The following KCTD8 variants were observed in gnomAD, a reference collection of about 807,000 sequenced individuals.
KCTD8 encodes potassium channel tetramerization domain containing 8.
Under a neutral mutation model 31.5 loss-of-function variants are expected in KCTD8, and 27 were observed. That is an observed-to-expected ratio of 0.86 (90% confidence interval 0.63 to 1.18). The LOEUF is 1.18. Ranked by LOEUF, KCTD8 falls within the 50% of genes most tolerant of loss-of-function variation. The probability of loss-of-function intolerance (pLI) is 0.00; values close to 1 mark genes in which losing one functional copy is unlikely to be tolerated. For missense variants in KCTD8, 658 were observed against 647.7 expected (o/e 1.02, Z -0.17); for synonymous variants, 290 against 280.0 (o/e 1.04, Z -0.36).
chr4:44,347,247 T>G (rs926200277), intron 1 of KCTD8, among the ~76,000 whole-genome samples: 31 of 152,232 alleles, frequency 2.0e-4, no homozygotes, highest in African/African-American at 7.5e-4. Context: ...ACCTAATAAA[T>G]GAAAGGTCAT....
chr4:44,368,561 G>A (rs924789318), intron 1 of KCTD8, among the ~76,000 whole-genome samples: 2 of 152,140 alleles, frequency 1.3e-5, no homozygotes, highest in African/African-American at 4.8e-5. Context: ...GATAAAATTA[G>A]CTATGCTTTA....
At chr4:44,271,041 T>A (rs1376588827) in intron 1 of KCTD8, among the ~76,000 whole-genome samples, 2 of 152,098 alleles carry the variant, frequency 1.3e-5, no homozygotes, top group African/African-American at 4.8e-5. Context: ...AGGTATACAC[T>A]GTATACCCTC....
At chr4:44,337,484 G>A (rs1718779531) in intron 1 of KCTD8, among the ~76,000 whole-genome samples, 1 of 151,812 alleles carries the variant, frequency 6.6e-6, no homozygotes, top group Non-Finnish European at 1.5e-5. Flanking sequence ...GACCAGCTTG[G>A]CCAGTATGGT....
chr4:44,328,369 T>C (rs986535554), intron 1 of KCTD8, among the ~76,000 whole-genome samples: 85 of 151,934 alleles, frequency 5.6e-4, no homozygotes, highest in African/African-American at 2.0e-3. Flanking sequence ...TAAATGTTTC[T>C]TCTCTGACTA....
In KCTD8 at chr4:44,436,226, G is replaced by A. The variant is rs150115608; in HGVS notation, c.961+11337C>T. Among the ~76,000 whole-genome samples, 64 of 152,200 alleles carry A rather than the reference G, an allele frequency of 4.2e-4. No homozygotes were observed. In the East Asian group the frequency reaches 7.4e-3, roughly 17 times the overall value. ...AGAAGTTGAATATAGTCATGGTCGA[G>A]TCAATGTCCACTTACACAAAATATT... On this transcript the variant is annotated intron_variant, in intron 1 of 1. Coordinates refer to ENST00000360029, the MANE Select transcript of KCTD8 (RefSeq NM_198353.3).
intron 1 of KCTD8, among the ~76,000 whole-genome samples, chr4:44,209,758 G>A (rs1158903401): frequency 6.6e-6 from 1 of 151,918 alleles, no homozygotes; most frequent in Non-Finnish European, 1.5e-5. Context: ...GGAATGGTAG[G>A]GCTTGAACTG....
chr4:44,447,648 C>T lies in KCTD8; in HGVS notation c.876G>A (p.Ala292=), dbSNP rs972839315. 18 of 1,610,656 alleles carry T rather than the reference C, an allele frequency of 1.1e-5. No homozygotes were observed. Among genetic ancestry groups the T allele is most frequent in the East Asian group, 6.7e-5 (3 of 44,662 alleles). Residue 292 remains alanine, a synonymous_variant, in exon 1 of 2, where the codon GCG becomes GCA. Transcript: ENST00000360029. Reference sequence around the variant, plus strand: ...AGGCGGCGGTGCCCGAGGAGTTACACGCCACCATGTGGAAGCCGGCCTCGG... The same window carrying T: ...AGGCGGCGGTGCCCGAGGAGTTACATGCCACCATGTGGAAGCCGGCCTCGG... ...RLSEAGFHMV[A]CNSSGTAAFV...
At chr4:44,287,449 A>G (rs1458452325) in intron 1 of KCTD8, among the ~76,000 whole-genome samples, 1 of 152,204 alleles carries the variant, frequency 6.6e-6, no homozygotes, top group Non-Finnish European at 1.5e-5. Context: ...GAAAGTGTCT[A>G]TAATGTTAAA....
intron 1 of KCTD8, among the ~76,000 whole-genome samples, chr4:44,353,130 C>T (rs1045447943): frequency 1.3e-5 from 2 of 152,000 alleles, no homozygotes; most frequent in African/African-American, 2.4e-5. Context: ...AATTTCTGCC[C>T]TTCTGGCCAC....
At chr4:44,406,794 A>T (rs1720808134) in intron 1 of KCTD8, among the ~76,000 whole-genome samples, 1 of 152,238 alleles carries the variant, frequency 6.6e-6, no homozygotes, top group African/African-American at 2.4e-5. Flanking sequence ...CCAATGAAAA[A>T]TATCCCATCT....
chr4:44,387,913 C>A (rs1338368283), intron 1 of KCTD8, among the ~76,000 whole-genome samples: 9 of 151,264 alleles, frequency 5.9e-5, no homozygotes. Flanking sequence ...AACTTGCCAA[C>A]TGAGTAAAGA....
chr4:44,424,150 C>T (rs531551457), intron 1 of KCTD8, among the ~76,000 whole-genome samples: 9 of 152,110 alleles, frequency 5.9e-5, no homozygotes, highest in East Asian at 3.9e-4. Context: ...GTAAAATCAA[C>T]GGGGTGACAA....
intron 1 of KCTD8, among the ~76,000 whole-genome samples, chr4:44,424,395 T>C (rs755201554): frequency 2.0e-5 from 3 of 152,058 alleles, no homozygotes; most frequent in South Asian, 2.1e-4. Context: ...CCATCATATA[T>C]ACACAATGTA....
chr4:44,184,901 A>C (rs1273999363), intron 1 of KCTD8, among the ~76,000 whole-genome samples: 1 of 152,136 alleles, frequency 6.6e-6, no homozygotes, highest in Admixed American at 6.6e-5. Flanking sequence ...GAGGGCTTAG[A>C]TGGCATGTAT....
intron 1 of KCTD8, among the ~76,000 whole-genome samples, chr4:44,214,071 T>C (rs1174172703): frequency 6.6e-6 from 1 of 152,200 alleles, no homozygotes; most frequent in Non-Finnish European, 1.5e-5. Flanking sequence ...TCCCATAATT[T>C]AGTGCCACCC....
chr4:44,312,154 A>AG (rs1352743433), intron 1 of KCTD8, among the ~76,000 whole-genome samples: 1 of 152,108 alleles, frequency 6.6e-6, no homozygotes, highest in African/African-American at 2.4e-5. Context: ...TGTTCCTCAA[A>AG]GGTTTTTCAG....
intron 1 of KCTD8, among the ~76,000 whole-genome samples, chr4:44,231,343 C>A (rs557777775): frequency 5.6e-4 from 85 of 152,154 alleles, no homozygotes; most frequent in South Asian, 2.3e-3. Flanking sequence ...CTATAATTAG[C>A]GAGCACTGTA....
At chr4:44,387,697 A>G (rs948534395) in intron 1 of KCTD8, among the ~76,000 whole-genome samples, 1 of 152,016 alleles carries the variant, frequency 6.6e-6, no homozygotes, top group Non-Finnish European at 1.5e-5. Context: ...CCTTCCTTAC[A>G]CCATATACAA....
chr4:44,294,271 C>T (rs1717366194), intron 1 of KCTD8, among the ~76,000 whole-genome samples: 1 of 152,140 alleles, frequency 6.6e-6, no homozygotes, highest in Admixed American at 6.6e-5. Context: ...GGAAGCCAGT[C>T]TGACACTTAG....
Sources: allele counts gnomAD v4.1 joint callset (sites outside exome capture counted in the v4.1 genomes callset), GRCh38; gene constraint gnomAD v4.1.1; transcripts MANE v1.5; gene names NCBI Gene and HGNC (gene_info 2026-07-23, HGNC 2026-07-21).